PSD3: variants seen among roughly 807,000 people sequenced by gnomAD.
PSD3 encodes PH and SEC7 domain-containing protein 3.
PSD3 carries 49 observed loss-of-function variants against 105.5 expected under a neutral mutation model. That is an observed-to-expected ratio of 0.46 (90% CI 0.37 to 0.59). The LOEUF (loss-of-function observed/expected upper bound fraction) is 0.59, where lower values mean the gene tolerates loss of function less well. Among genes scored for constraint, PSD3 ranks in the 20% least tolerant of loss-of-function variants. The pLI is 0.00. For missense variants in PSD3, 1,561 were observed against 1,263.8 expected, an observed-to-expected ratio of 1.24 and a Z score of -3.57; for synonymous variants, 557 against 457.8, an observed-to-expected ratio of 1.22 and a Z score of -2.77.
intron 1 of PSD3, among the ~76,000 whole-genome samples, chr8:18,970,711 T>G (rs185240059): frequency 6.6e-6 from 1 of 152,030 alleles, no homozygotes; most frequent in Middle Eastern, 3.4e-3. Flanking sequence ...TCCCAGCACT[T>G]TGGGAGGTGA....
chr8:18,965,689 A>G lies in PSD3; in HGVS notation c.22-29547T>C, dbSNP rs958576207. Reference sequence around the variant, plus strand: ...TGTCCAATCCAACAAGCTGTAGGTCAAGCTTGCAAGATTCTGGAGATGGAT... The same window carrying G: ...TGTCCAATCCAACAAGCTGTAGGTCGAGCTTGCAAGATTCTGGAGATGGAT... On this transcript the variant is annotated intron_variant, in intron 1 of 15. Transcript: ENST00000327040. Among the ~76,000 whole-genome samples, 2 of 152,376 alleles carry G rather than the reference A, an allele frequency of 1.3e-5. 1 individual carries two copies. Among genetic ancestry groups the G allele is most frequent in the East Asian group, 3.9e-4 (2 of 5,192 alleles).
intron 4 of PSD3, 78 bp from the exon 5 acceptor site, chr8:18,804,976 T>A: frequency 8.1e-6 from 10 of 1,234,786 alleles, no homozygotes; most frequent in Non-Finnish European, 1.0e-5. Context: ...GAAATATTGA[T>A]AGTTTTCTTT....
intron 1 of PSD3, among the ~76,000 whole-genome samples, chr8:18,949,244 A>AAAAATATATAT (rs1345423514): frequency 1.0e-3 from 15 of 14,402 alleles, no homozygotes; most frequent in Middle Eastern, 0.12. Flanking sequence ...AAAAAAAAAA[A>AAAAATATATAT]ATATATATAT....
At chr8:18,939,095 G>A (rs1418282049) in intron 1 of PSD3, among the ~76,000 whole-genome samples, 5 of 152,184 alleles carry the variant, frequency 3.3e-5, no homozygotes, top group East Asian at 1.9e-4. Context: ...CATCTATACA[G>A]CAAAAGTTTC....
At chr8:18,637,526 C>T (rs184931325) in intron 10 of PSD3, among the ~76,000 whole-genome samples, 36 of 152,232 alleles carry the variant, frequency 2.4e-4, no homozygotes, top group African/African-American at 8.4e-4. Flanking sequence ...ATAGTTCTGC[C>T]TTTTCCAGAA....
chr8:18,632,223 C>G (rs971452030), intron 11 of PSD3, among the ~76,000 whole-genome samples: 1 of 152,038 alleles, frequency 6.6e-6, no homozygotes, highest in Non-Finnish European at 1.5e-5. Context: ...TTTTTCTATG[C>G]GTTGCAAATT....
intron 1 of PSD3, among the ~76,000 whole-genome samples, chr8:19,076,232 G>T (rs1168225234): frequency 1.3e-5 from 2 of 152,210 alleles, no homozygotes; most frequent in African/African-American, 4.8e-5. Context: ...AAGTAGGAAT[G>T]ATTTATTTCA....
intron 1 of PSD3, among the ~76,000 whole-genome samples, chr8:19,081,194 C>T (rs1829635038): frequency 6.6e-6 from 1 of 152,086 alleles, no homozygotes; most frequent in Admixed American, 6.5e-5. Flanking sequence ...TTGGCACCAC[C>T]CTGAGCTGAG....
At chr8:19,054,494 T>C (rs1828642400) in intron 1 of PSD3, among the ~76,000 whole-genome samples, 1 of 152,158 alleles carries the variant, frequency 6.6e-6, no homozygotes, top group Non-Finnish European at 1.5e-5. Flanking sequence ...GAAAATGATA[T>C]TCCCAGAGCT....
At chr8:18,617,952 A>G (rs776140305) in intron 11 of PSD3, among the ~76,000 whole-genome samples, 2 of 152,186 alleles carry the variant, frequency 1.3e-5, no homozygotes, top group African/African-American at 4.8e-5. Context: ...TCTGCATTCT[A>G]TAGAGAATCT....
At chr8:18,697,372 G>C (rs1049451667) in intron 9 of PSD3, among the ~76,000 whole-genome samples, 1 of 152,138 alleles carries the variant, frequency 6.6e-6, no homozygotes, top group Non-Finnish European at 1.5e-5. Flanking sequence ...AAAAGTACCT[G>C]ACAAGTGATA....
intron 2 of PSD3, among the ~76,000 whole-genome samples, chr8:18,882,284 A>G (rs1166131649): frequency 6.6e-6 from 1 of 152,194 alleles, no homozygotes; most frequent in Non-Finnish European, 1.5e-5. Context: ...TAAGCAAAAC[A>G]CTATATGTTA....
At chr8:18,961,711 T>C (rs560984763) in intron 1 of PSD3, among the ~76,000 whole-genome samples, 99 of 152,178 alleles carry the variant, frequency 6.5e-4, no homozygotes, top group Middle Eastern at 3.4e-3. Flanking sequence ...ATGCAGAAGG[T>C]ATTTGTAGAT....
chr8:18,809,652 C>T (rs544506897), intron 4 of PSD3, among the ~76,000 whole-genome samples: 1 of 152,302 alleles, frequency 6.6e-6, no homozygotes, highest in Non-Finnish European at 1.5e-5. Context: ...GCAAAACTTC[C>T]TGAAATGTTT....
intron 10 of PSD3, among the ~76,000 whole-genome samples, chr8:18,637,070 G>A (rs1807305303): frequency 6.6e-6 from 1 of 152,110 alleles, no homozygotes; most frequent in South Asian, 2.1e-4. Flanking sequence ...TGGCTTTCAC[G>A]ATCTGCAATA....
chr8:18,884,479 A>G (rs1222149797), intron 2 of PSD3, among the ~76,000 whole-genome samples: 1 of 152,222 alleles, frequency 6.6e-6, no homozygotes, highest in Non-Finnish European at 1.5e-5. Context: ...TAATCTAAAT[A>G]CATTATATTT....
intron 1 of PSD3, among the ~76,000 whole-genome samples, chr8:18,999,701 T>C (rs181234565): frequency 2.7e-4 from 41 of 151,854 alleles, no homozygotes; most frequent in African/African-American, 9.7e-4. Flanking sequence ...ATTTATAAAA[T>C]ACAAATATTC....
chr8:18,833,582 G>A (rs114705497), intron 4 of PSD3, among the ~76,000 whole-genome samples: 63 of 152,214 alleles, frequency 4.1e-4, no homozygotes, highest in African/African-American at 1.5e-3. Context: ...AAATCTTTGG[G>A]GTTAAAATGA....
Position 18,882,838 on chromosome 8 carries a change from G to GAT in PSD3, c.131-10107_131-10106dup, listed in dbSNP as rs555319897. ...TATATACATATATATAGCTTATGTA[G>GAT]ATATATATACACACACACACACACA... is the stretch of plus-strand genomic sequence containing the variant. On this transcript the variant is annotated intron_variant, in intron 2 of 15. Coordinates refer to ENST00000327040, the MANE Select transcript of PSD3 (RefSeq NM_015310.4). 2.8e-3 allele frequency among the ~76,000 whole-genome samples: 419 copies of GAT among 150,534 alleles called. 1 individual carries two copies. Among genetic ancestry groups the GAT allele is most frequent in the African/African-American group, 9.2e-3 (373 of 40,710 alleles).
Sources: allele counts gnomAD v4.1 joint callset (sites outside exome capture counted in the v4.1 genomes callset), GRCh38; gene constraint gnomAD v4.1.1; transcripts MANE v1.5; gene names NCBI Gene and HGNC (gene_info 2026-07-23, HGNC 2026-07-21).